FBN1: variants seen among roughly 807,000 people sequenced by gnomAD.
FBN1 encodes fibrillin 1.
A neutral mutation model predicts 365.1 loss-of-function variants in FBN1; 29 were observed. The ratio of observed to expected loss-of-function variants is 0.08; its 90% CI spans 0.06 to 0.11. The LOEUF is 0.11. FBN1 is among the 10% of genes least tolerant of loss of function. The pLI is 1.00. For synonymous variants in FBN1, 1,210 were observed against 1,270.5 expected (o/e 0.95, Z 1.01); for missense variants, 2,476 against 3,703.2 (o/e 0.67, Z 8.60).
At chr15:48,593,927 T>C (rs1180850173) in intron 6 of FBN1, among the ~76,000 whole-genome samples, 1 of 152,134 alleles carries the variant, frequency 6.6e-6, no homozygotes, top group Admixed American at 6.6e-5. Context: ...TAAAACAGAA[T>C]ACAACCAACC....
At chr15:48,499,447 T>G (rs7163370) in intron 17 of FBN1, among the ~76,000 whole-genome samples, 14,508 of 152,220 alleles carry the variant, frequency 0.095, 2,373 homozygotes, top group African/African-American at 0.34. Flanking sequence ...GTTTTTTCAG[T>G]ACAATTGGTT....
intron 40 of FBN1, 37 bp from the exon 41 acceptor site, chr15:48,464,058 AACTTC>A: frequency 6.2e-7 from 1 of 1,609,726 alleles, no homozygotes; most frequent in African/African-American, 1.3e-5. Context: ...TGAATATGAA[AACTTC>A]ACATTTTGGA....
intron 6 of FBN1, among the ~76,000 whole-genome samples, chr15:48,557,398 T>C (rs577803851): frequency 6.6e-6 from 1 of 152,288 alleles, no homozygotes; most frequent in South Asian, 2.1e-4. Context: ...GCCTGATACA[T>C]CCTGGTGCCA....
At chr15:48,492,095 C>T (rs1208978121) in intron 24 of FBN1, among the ~76,000 whole-genome samples, 1 of 152,188 alleles carries the variant, frequency 6.6e-6, no homozygotes, top group African/African-American at 2.4e-5. Context: ...ACCTGTCCTT[C>T]TGGCCAATGT....
chr15:48,612,960 A>G (rs753301811), intron 3 of FBN1, 50 bp downstream of exon 3: 4 of 1,382,642 alleles, frequency 2.9e-6, no homozygotes, highest in Non-Finnish European at 4.1e-6. Context: ...CCATGCAACC[A>G]ACACAACAAA....
chr15:48,557,605 G>GTC (rs2044191309), intron 6 of FBN1, among the ~76,000 whole-genome samples: 2 of 152,196 alleles, frequency 1.3e-5, no homozygotes, highest in African/African-American at 2.4e-5. Context: ...CAGCGACAAA[G>GTC]TTGAGTGAAT....
intron 12 of FBN1, among the ~76,000 whole-genome samples, chr15:48,514,230 T>C (rs546338848): frequency 6.6e-6 from 1 of 152,306 alleles, no homozygotes; most frequent in South Asian, 2.1e-4. Flanking sequence ...CATTTAGAGA[T>C]AAACTGGTTT....
chr15:48,568,510 T>A (rs909602385), intron 6 of FBN1, among the ~76,000 whole-genome samples: 24 of 152,040 alleles, frequency 1.6e-4, no homozygotes, highest in African/African-American at 5.5e-4. Context: ...AAGTTGAAGG[T>A]AAAATTTATA....
At position 48,434,609 on chromosome 15, in the gene FBN1, T is replaced by A. The variant is rs776823384; in HGVS notation, c.6601A>T (p.Met2201Leu). Residue 2201 changes from methionine to leucine, a missense_variant, in exon 54 of 66, where the codon ATG (methionine) becomes TTG (leucine). Transcript: ENST00000316623. ...TCEEGFEPGP[M>L]MTCEDINECA... ...AGAGATGTACCTTCACATGTCATCA[T>A]TGGACCGGGCTCAAATCCCTCCTCG... The A allele has an allele frequency of 6.2e-7, 1 of 1,613,800 alleles. No individual in the cohort carries two copies. The highest frequency in any genetic ancestry group is 8.5e-7 in the Non-Finnish European group (1 of 1,179,756).
intron 40 of FBN1, among the ~76,000 whole-genome samples, chr15:48,465,288 C>T (rs529204200): frequency 2.0e-5 from 3 of 152,220 alleles, no homozygotes; most frequent in African/African-American, 4.8e-5. Flanking sequence ...TTCTGAAGAG[C>T]ATGGAAAAAT....
intron 6 of FBN1, among the ~76,000 whole-genome samples, chr15:48,565,880 C>A (rs947696663): frequency 6.6e-6 from 1 of 152,148 alleles, no homozygotes; most frequent in African/African-American, 2.4e-5. Flanking sequence ...TGAATAATGG[C>A]ATCTAATGCA....
At chr15:48,506,228 G>GA (rs1042679776) in intron 15 of FBN1, among the ~76,000 whole-genome samples, 5 of 150,314 alleles carry the variant, frequency 3.3e-5, no homozygotes, top group Non-Finnish European at 5.9e-5. Context: ...CTGTGTCTTA[G>GA]AAAAAAAAAG....
intron 4 of FBN1, among the ~76,000 whole-genome samples, chr15:48,606,007 T>C (rs933006954): frequency 3.3e-5 from 5 of 152,018 alleles, no homozygotes; most frequent in African/African-American, 1.2e-4. Flanking sequence ...GAAATGCAAA[T>C]TGAAACCACA....
At chr15:48,478,126 G>A (rs1313914714) in intron 32 of FBN1, among the ~76,000 whole-genome samples, 1 of 152,206 alleles carries the variant, frequency 6.6e-6, no homozygotes, top group Non-Finnish European at 1.5e-5. Context: ...TCCTTGATTA[G>A]GCATTGAGGA....
rs754397356 is a variant in FBN1 at position 48,434,559 on chromosome 15, C to T, written c.6616+35G>A. ...CAACCAATTGTTCCCAGGATCAGTA[C>T]ACGTAATCAACTGTTCTCTGTTTAA... is the stretch of plus-strand genomic sequence containing the variant. On this transcript the variant is annotated intron_variant, in intron 54 of 65. Coordinates refer to ENST00000316623, the MANE Select transcript of FBN1 (RefSeq NM_000138.5). 7 of 1,612,488 alleles carry T rather than the reference C, an allele frequency of 4.3e-6. No homozygotes were observed. In the East Asian group the frequency reaches 1.3e-4, roughly 31 times the overall value.
intron 46 of FBN1, among the ~76,000 whole-genome samples, chr15:48,448,016 C>T (rs898083869): frequency 6.6e-6 from 1 of 152,014 alleles, no homozygotes. Context: ...GGTTAGCTGC[C>T]CAGTGATGAG....
chr15:48,414,264 G>A (rs931552127), intron 64 of FBN1, among the ~76,000 whole-genome samples: 4 of 152,166 alleles, frequency 2.6e-5, no homozygotes, highest in Non-Finnish European at 5.9e-5. Context: ...TCTGATTGCT[G>A]GCATTCTGTG....
intron 31 of FBN1, among the ~76,000 whole-genome samples, chr15:48,482,825 C>G (rs2043475669): frequency 6.6e-6 from 1 of 152,202 alleles, no homozygotes; most frequent in African/African-American, 2.4e-5. Context: ...CACAGGGGGT[C>G]TGGGATTGTG....
intron 6 of FBN1, among the ~76,000 whole-genome samples, chr15:48,550,132 G>C (rs553468147): frequency 6.6e-6 from 1 of 152,198 alleles, no homozygotes; most frequent in Non-Finnish European, 1.5e-5. Context: ...TGTTCGTCTC[G>C]AGTTAGACAC....
Sources: allele counts gnomAD v4.1 joint callset (sites outside exome capture counted in the v4.1 genomes callset), GRCh38; gene constraint gnomAD v4.1.1; transcripts MANE v1.5; gene names NCBI Gene and HGNC (gene_info 2026-07-23, HGNC 2026-07-21).